The following DNAH8 variants were observed in gnomAD, a reference collection of about 807,000 sequenced individuals.
The protein encoded by DNAH8 is axonemal beta dynein heavy chain 8.
In DNAH8, 382 loss-of-function variants were observed where a neutral mutation model predicts 562.1. That is an observed-to-expected ratio of 0.68 (90% CI 0.63 to 0.74). The LOEUF (loss-of-function observed/expected upper bound fraction) is 0.74. Ranked by LOEUF, DNAH8 falls within the 30% of genes least tolerant of loss-of-function variation. DNAH8 has a pLI of 0.00. For missense variants in DNAH8, 5,203 were observed against 5,620.4 expected, an observed-to-expected ratio of 0.93 and a Z score of 2.37; for synonymous variants, 1,881 against 1,919.4, an observed-to-expected ratio of 0.98 and a Z score of 0.52.
intron 8 of DNAH8, among the ~76,000 whole-genome samples, chr6:38,749,245 C>T (rs1765216787): frequency 6.6e-6 from 1 of 152,040 alleles, no homozygotes. Flanking sequence ...AGCTGGAAGC[C>T]ATCATCCTCA....
At chr6:38,753,882 A>G (rs1304697228) in intron 9 of DNAH8, among the ~76,000 whole-genome samples, 1 of 152,216 alleles carries the variant, frequency 6.6e-6, no homozygotes, top group Non-Finnish European at 1.5e-5. Context: ...TTGAAATGAC[A>G]GAAGTACTAA....
At position 38,847,621 on chromosome 6, in the gene DNAH8, G is replaced by A. The variant is rs115244542; in HGVS notation, c.5046-1027G>A. ...ATGAGTTGTATTCAGGCATCAGACC[G>A]TACCCAGAAAAAACCCCATTCTACA... On this transcript the variant is annotated intron_variant, in intron 36 of 92. Transcript: ENST00000327475. Among the ~76,000 whole-genome samples, 770 of 151,984 alleles carry A rather than the reference G, an allele frequency of 5.1e-3. 6 individuals are homozygous for A. Among genetic ancestry groups the A allele is most frequent in the African/African-American group, 0.018 (746 of 41,430 alleles).
At chr6:38,732,171 CAA>C (rs1362702136) in intron 4 of DNAH8, among the ~76,000 whole-genome samples, 1 of 152,186 alleles carries the variant, frequency 6.6e-6, no homozygotes, top group East Asian at 1.9e-4. Flanking sequence ...TTACCTCATT[CAA>C]AAAATTCGTT....
At chr6:38,747,447 T>G (rs1765049688) in intron 8 of DNAH8, among the ~76,000 whole-genome samples, 1 of 144,638 alleles carries the variant, frequency 6.9e-6, no homozygotes, top group Non-Finnish European at 1.5e-5. Flanking sequence ...AGTGCAGAGG[T>G]GCGATCTTGG....
intron 11 of DNAH8, chr6:38,762,938 C>G: frequency 6.6e-6 from 2 of 303,388 alleles, no homozygotes; most frequent in South Asian, 6.2e-5. Flanking sequence ...GTTTCTCATG[C>G]TGAAAACAGT....
intron 24 of DNAH8, among the ~76,000 whole-genome samples, chr6:38,809,603 T>C (rs1347450460): frequency 6.6e-6 from 1 of 152,208 alleles, no homozygotes; most frequent in Admixed American, 6.5e-5. Context: ...TTCAGAATTA[T>C]GTATTACCTC....
In DNAH8 at chr6:38,990,135, C is replaced by A; in HGVS notation, c.13177C>A (p.Pro4393Thr). The A allele has an allele frequency of 6.2e-7, 1 of 1,612,108 alleles. No homozygotes were observed. Among genetic ancestry groups the A allele is most frequent in the South Asian group, 1.1e-5 (1 of 90,904 alleles). Residue 4393 changes from proline (P) to threonine (T), a missense_variant, in exon 88 of 93, where the codon CCT (proline) becomes ACT (threonine). Pro to Thr is a conservative substitution (Grantham distance 38). This residue lies in a region of DNAH8 where 1,399 missense variants were observed against 1,518.4 expected (regional missense o/e 0.92). Transcript: ENST00000327475. ...CCAGTCACTGCCATCCCTAGATAAC[C>A]CTGAAGTCTTTGGGCTTCACCCTAA... ...YIQSLPSLDN[P>T]EVFGLHPNAD...
intron 11 of DNAH8, among the ~76,000 whole-genome samples, chr6:38,766,385 C>G (rs1381854591): frequency 6.6e-6 from 1 of 152,030 alleles, no homozygotes. Flanking sequence ...AGGGATGGCA[C>G]AATGACGAGA....
At chr6:39,029,725 C>G (rs994916916) in intron 92 of DNAH8, among the ~76,000 whole-genome samples, 3 of 152,128 alleles carry the variant, frequency 2.0e-5, no homozygotes, top group Non-Finnish European at 4.4e-5. Context: ...AGGCTGAGAT[C>G]CCACCTGACA....
chr6:38,904,042 T>C (rs1203707407), intron 62 of DNAH8, among the ~76,000 whole-genome samples: 1 of 152,252 alleles, frequency 6.6e-6, no homozygotes, highest in Non-Finnish European at 1.5e-5. Context: ...TTCACTAAGC[T>C]GTAAGCTCCC....
rs771903329 is a variant in DNAH8, at chr6:38,842,751, C to T, written c.4693C>T (p.Leu1565=). ...RIDDFSESCP[L]LEMMTNKAMK... ...TGATGATTTCAGTGAGTCATGTCCT[C>T]TACTGGAAATGATGACCAATAAGGC... The change falls in exon 35 of 93, where the codon CTA becomes TTA. Residue 1565 remains leucine, a synonymous_variant. Coordinates refer to ENST00000327475, the MANE Select transcript of DNAH8 (RefSeq NM_001206927.2). 2 of 1,613,772 alleles carry T rather than the reference C, an allele frequency of 1.2e-6. No individual in the cohort carries two copies. Among genetic ancestry groups the T allele is most frequent in the East Asian group, 2.2e-5 (1 of 44,824 alleles).
At chr6:38,795,210 C>T (rs1770118805) in intron 21 of DNAH8, among the ~76,000 whole-genome samples, 1 of 152,082 alleles carries the variant, frequency 6.6e-6, no homozygotes, top group Non-Finnish European at 1.5e-5. Context: ...GATCTATTTC[C>T]AAAACTTTTT....
intron 9 of DNAH8, among the ~76,000 whole-genome samples, chr6:38,750,839 A>G (rs1274681218): frequency 6.7e-6 from 1 of 149,822 alleles, no homozygotes; most frequent in African/African-American, 2.6e-5. Context: ...TAATATGTGT[A>G]TATTGGGGAA....
intron 4 of DNAH8, among the ~76,000 whole-genome samples, chr6:38,730,869 T>C (rs1470648497): frequency 6.6e-6 from 1 of 152,146 alleles, no homozygotes; most frequent in African/African-American, 2.4e-5. Flanking sequence ...TCTCCTCACC[T>C]GGCTTTTTCA....
In DNAH8 at chr6:38,761,925, A is replaced by G; in HGVS notation, c.1617+122A>G. 2 of 511,814 alleles carry G rather than the reference A, an allele frequency of 3.9e-6. 1 individual carries two copies. The highest frequency in any genetic ancestry group is 6.0e-5 in the South Asian group (2 of 33,386). 31.7% of individuals were successfully genotyped at this position (511,814 alleles called of 1,614,324 possible). A position where few individuals can be genotyped will look rare whatever the true frequency, so the allele number is the denominator to read the frequency against. Reference sequence around the variant, plus strand: ...TCCTACAGAGTAGTGTTGAGAATATAAAAAGAATACAATTCTTATTATCTA... The same window carrying G: ...TCCTACAGAGTAGTGTTGAGAATATGAAAAGAATACAATTCTTATTATCTA... On this transcript the variant is annotated intron_variant, in intron 11 of 92. Coordinates refer to ENST00000327475, the MANE Select transcript of DNAH8 (RefSeq NM_001206927.2).
Position 38,815,592 on chromosome 6 carries a change from T to A in DNAH8, c.3458T>A (p.Ile1153Asn). The A allele has an allele frequency of 6.2e-7, 1 of 1,613,984 alleles. No homozygotes were observed. The highest frequency in any genetic ancestry group is 8.5e-7 in the Non-Finnish European group (1 of 1,179,940). Reference sequence around the variant, plus strand: ...CAAATCCGTCCCATCAAGTCTGTCATTCCCAGCCCCACCACTACTGACGTG... The same window carrying A: ...CAAATCCGTCCCATCAAGTCTGTCAATCCCAGCCCCACCACTACTGACGTG... ...QQQIRPIKSV[I>N]PSPTTTDVTH... The change falls in exon 26 of 93, where the codon ATT becomes AAT. Residue 1153 changes from isoleucine (I) to asparagine (N), a missense_variant. Around this residue, in one of 6 missense-constraint regions of DNAH8, gnomAD observed 2,176 missense variants for 2,365.1 expected, o/e 0.92. Transcript: ENST00000327475.
At chr6:38,887,279 A>G (rs1276059691) in intron 57 of DNAH8, among the ~76,000 whole-genome samples, 1 of 152,216 alleles carries the variant, frequency 6.6e-6, no homozygotes, top group Non-Finnish European at 1.5e-5. Context: ...TTAATCAGAG[A>G]AATTTGGGCC....
At chr6:38,799,972 A>G (rs1770627555) in intron 21 of DNAH8, among the ~76,000 whole-genome samples, 1 of 152,168 alleles carries the variant, frequency 6.6e-6, no homozygotes, top group Admixed American at 6.5e-5. Context: ...AAGAAACAAC[A>G]ATGTCTTGCC....
Position 38,973,682 on chromosome 6 carries a change from A to T in DNAH8, c.12547A>T (p.Asn4183Tyr), listed in dbSNP as rs1325378914. Reference protein sequence around the residue: ...MQQGGWVLLQNCHLGLEFMEE... With the variant: ...MQQGGWVLLQYCHLGLEFMEE... The stretch of plus-strand genomic sequence containing the variant: ...ACAGGGTGGTTGGGTATTACTACAA[A>T]ATTGCCACCTTGGCCTGGAATTCAT... Residue 4183 changes from asparagine to tyrosine, a missense_variant, in exon 84 of 93, where the codon AAT becomes TAT. Physicochemically the swap from Asn to Tyr is moderately radical, Grantham distance 143 (BLOSUM62 -2). This residue lies in a region of DNAH8 where 1,399 missense variants were observed against 1,518.4 expected (regional missense o/e 0.92). Transcript: ENST00000327475. The T allele has an allele frequency of 6.2e-7, 1 of 1,603,462 alleles. No homozygotes were observed. Among genetic ancestry groups the T allele is most frequent in the South Asian group, 1.1e-5 (1 of 88,660 alleles).
Sources: gnomAD v4.1 joint callset for allele counts (sites outside exome capture counted in the v4.1 genomes callset) on GRCh38, gnomAD v4.1.1 for gene constraint, gnomAD v4.1.1 regional missense constraint, MANE v1.5 for transcripts, NCBI Gene and HGNC (gene_info 2026-07-23, HGNC 2026-07-21) for gene names.